TP53BP2: variants seen among roughly 807,000 people sequenced by gnomAD.
TP53BP2 encodes the protein tumor protein p53 binding protein 2.
TP53BP2 carries 62 observed loss-of-function variants against 126.2 expected under a neutral mutation model. That is an observed-to-expected ratio of 0.49 (90% CI 0.40 to 0.61). TP53BP2 has a LOEUF of 0.61. TP53BP2 is among the 20% of genes least tolerant of loss of function. The pLI is 0.00. For missense variants in TP53BP2, 1,215 were observed against 1,402.8 expected, an observed-to-expected ratio of 0.87 and a Z score of 2.14; for synonymous variants, 485 against 502.9, an observed-to-expected ratio of 0.96 and a Z score of 0.48.
intron 12 of TP53BP2, 125 bp downstream of exon 12, chr1:223,798,090 A>G (rs1391065624): frequency 2.2e-6 from 2 of 900,044 alleles, no homozygotes; most frequent in Non-Finnish European, 3.4e-6. Flanking sequence ...AAAGAACAGA[A>G]GCCACAGTTA....
intron 3 of TP53BP2, among the ~76,000 whole-genome samples, chr1:223,812,248 T>C (rs1158299458): frequency 6.6e-6 from 1 of 152,208 alleles, no homozygotes; most frequent in African/African-American, 2.4e-5. Context: ...AGTATCAGCA[T>C]TTCTCATCTG....
intron 1 of TP53BP2, among the ~76,000 whole-genome samples, chr1:223,828,573 T>C (rs1663582601): frequency 1.3e-5 from 2 of 152,114 alleles, no homozygotes; most frequent in Admixed American, 6.5e-5. Context: ...TCAAATTTAG[T>C]CAGGAATGAT....
chr1:223,795,742 G>C, intron 13 of TP53BP2, 73 bp downstream of exon 13: 1 of 1,345,640 alleles, frequency 7.4e-7, no homozygotes, highest in South Asian at 2.1e-5. Flanking sequence ...TGGAGAAGAT[G>C]AATGTGACCA....
At chr1:223,795,752 A>G in intron 13 of TP53BP2, 63 bp downstream of exon 13, 1 of 1,382,450 alleles carries the variant, frequency 7.2e-7, no homozygotes, top group Admixed American at 2.5e-5. Flanking sequence ...GAATGTGACC[A>G]CCAAGAAAAT....
chr1:223,805,856 G>GA (rs1443471107), intron 5 of TP53BP2, among the ~76,000 whole-genome samples: 1 of 152,202 alleles, frequency 6.6e-6, no homozygotes, highest in Non-Finnish European at 1.5e-5. Context: ...TATTATCCAT[G>GA]ACTGCTTATA....
chr1:223,799,852 T>C (rs761353283), intron 11 of TP53BP2, 47 bp downstream of exon 11: 1 of 1,525,800 alleles, frequency 6.6e-7, no homozygotes, highest in Non-Finnish European at 8.8e-7. Flanking sequence ...AAAAACTGCA[T>C]TATAGAATTA....
intron 2 of TP53BP2, among the ~76,000 whole-genome samples, chr1:223,817,787 G>A (rs911478049): frequency 1.1e-4 from 16 of 152,096 alleles, no homozygotes; most frequent in African/African-American, 3.1e-4. Context: ...TTAGCTGGGC[G>A]TGGTGGTGGG....
intron 2 of TP53BP2, 174 bp downstream of exon 2, chr1:223,821,046 G>A (rs545329808): frequency 2.5e-5 from 19 of 772,350 alleles, no homozygotes; most frequent in African/African-American, 1.8e-4. Context: ...AAAGAAAACC[G>A]AAAAAGACTT....
At chr1:223,784,387 A>G (rs1661880226) in intron 16 of TP53BP2, 73 bp from the exon 17 acceptor site, 1 of 1,376,038 alleles carries the variant, frequency 7.3e-7, no homozygotes, top group South Asian at 1.2e-5. Context: ...TTTTAGCTAT[A>G]TGAAACAAAA....
intron 1 of TP53BP2, 152 bp from the exon 2 acceptor site, chr1:223,821,519 A>C: frequency 9.6e-7 from 1 of 1,038,850 alleles, no homozygotes; most frequent in Non-Finnish European, 1.5e-6. Context: ...TGAGGTGTGG[A>C]CTGGGGGTTG....
chr1:223,842,577 A>T (rs1403333736), intron 1 of TP53BP2, among the ~76,000 whole-genome samples: 1 of 152,232 alleles, frequency 6.6e-6, no homozygotes, highest in Non-Finnish European at 1.5e-5. Flanking sequence ...ATAATTTTTT[A>T]AAATTTATTA....
At chr1:223,844,295 T>C (rs1664200419) in intron 1 of TP53BP2, among the ~76,000 whole-genome samples, 1 of 152,178 alleles carries the variant, frequency 6.6e-6, no homozygotes, top group Non-Finnish European at 1.5e-5. Context: ...ACGGATACCT[T>C]GGTAGGGTAT....
At chr1:223,820,679 C>A (rs1200098400) in intron 2 of TP53BP2, among the ~76,000 whole-genome samples, 1 of 152,170 alleles carries the variant, frequency 6.6e-6, no homozygotes, top group Admixed American at 6.5e-5. Flanking sequence ...TGTGTAGGAA[C>A]AAGGCAGAAA....
At chr1:223,833,039 T>G (rs1363946010) in intron 1 of TP53BP2, among the ~76,000 whole-genome samples, 1 of 152,182 alleles carries the variant, frequency 6.6e-6, no homozygotes, top group Non-Finnish European at 1.5e-5. Context: ...GTCCCAACCT[T>G]ATTAAAGTTA....
chr1:223,787,913 T>G (rs1662025121), intron 16 of TP53BP2, among the ~76,000 whole-genome samples: 1 of 151,300 alleles, frequency 6.6e-6, no homozygotes, highest in Non-Finnish European at 1.5e-5. Flanking sequence ...TAGATAATAA[T>G]TAAAAATTAG....
intron 1 of TP53BP2, among the ~76,000 whole-genome samples, chr1:223,833,197 T>TA (rs1340443683): frequency 6.6e-6 from 1 of 152,210 alleles, no homozygotes; most frequent in African/African-American, 2.4e-5. Flanking sequence ...TCAATGATAT[T>TA]AAACCTACTT....
At chr1:223,832,866 C>T (rs987007558) in intron 1 of TP53BP2, among the ~76,000 whole-genome samples, 1 of 152,204 alleles carries the variant, frequency 6.6e-6, no homozygotes, top group East Asian at 1.9e-4. Context: ...AAGTGTGCTG[C>T]TCCACTACCC....
At chr1:223,826,650 G>A (rs996743407) in intron 1 of TP53BP2, among the ~76,000 whole-genome samples, 1 of 152,146 alleles carries the variant, frequency 6.6e-6, no homozygotes, top group African/African-American at 2.4e-5. Flanking sequence ...AAATACCACT[G>A]AATTACGTAT....
At chr1:223,806,995 T>G in intron 4 of TP53BP2, 48 bp from the exon 5 acceptor site, 1 of 1,415,102 alleles carries the variant, frequency 7.1e-7, no homozygotes. Flanking sequence ...ACTATAAAAC[T>G]ACCACAGAGA....
Sources: allele counts gnomAD v4.1 joint callset (sites outside exome capture counted in the v4.1 genomes callset), GRCh38; gene constraint gnomAD v4.1.1; transcripts MANE v1.5; gene names NCBI Gene and HGNC (gene_info 2026-07-23, HGNC 2026-07-21).